RPS6KA2: variants seen among roughly 807,000 people sequenced by gnomAD.
The protein encoded by RPS6KA2 is ribosomal protein S6 kinase alpha-2.
A neutral mutation model predicts 91.8 loss-of-function variants in RPS6KA2; 42 were observed. The ratio of observed to expected loss-of-function variants is 0.46; its 90% CI spans 0.36 to 0.59. The LOEUF is 0.59. Ranked by LOEUF, RPS6KA2 falls within the 20% of genes least tolerant of loss-of-function variation. The probability of loss-of-function intolerance (pLI) is 0.00; values close to 1 mark genes in which losing one functional copy is unlikely to be tolerated. For missense variants in RPS6KA2, 798 were observed against 978.5 expected, an observed-to-expected ratio of 0.82 and a Z score of 2.46; for synonymous variants, 414 against 393.6, an observed-to-expected ratio of 1.05 and a Z score of -0.61.
chr6:166,660,397 C>CGT (rs1241926275), intron 2 of RPS6KA2, among the ~76,000 whole-genome samples: 9,603 of 107,898 alleles, frequency 0.089, 400 homozygotes, highest in Admixed American at 0.15. Context: ...GGCATGCGTG[C>CGT]GTGTGTGTGT....
rs996014533 is a variant in RPS6KA2, at chr6:166,437,356, T to C, written c.1333-4866A>G. ...TAATATTGTTTTATAATCTTTATTA[T>C]GCAACAAAACAGGGAGGCCTTCTCA... On this transcript the variant is annotated intron_variant, in intron 14 of 20. Coordinates refer to ENST00000265678, the MANE Select transcript of RPS6KA2 (RefSeq NM_021135.6). The surrounding 1 kb of genome is among the most constrained non-coding windows in gnomAD (Gnocchi z 4.3). Among the ~76,000 whole-genome samples, 1 of 152,222 alleles carries C rather than the reference T, an allele frequency of 6.6e-6. No individual in the cohort carries two copies.
chr6:166,532,394 A>G (rs1242913129), intron 2 of RPS6KA2, among the ~76,000 whole-genome samples: 6 of 152,324 alleles, frequency 3.9e-5, no homozygotes, highest in Non-Finnish European at 8.8e-5. Flanking sequence ...GGGCAGCCCA[A>G]CTGGAGGGAG....
intron 2 of RPS6KA2, among the ~76,000 whole-genome samples, chr6:166,646,013 C>T (rs757411499): frequency 2.0e-5 from 3 of 152,186 alleles, no homozygotes; most frequent in Non-Finnish European, 4.4e-5. Context: ...TAGGGCCAGT[C>T]CTCTGTGCAA....
At chr6:166,636,001 A>G (rs1787228552) in intron 2 of RPS6KA2, among the ~76,000 whole-genome samples, 1 of 152,236 alleles carries the variant, frequency 6.6e-6, no homozygotes, top group Admixed American at 6.5e-5. Context: ...TTCTCTGCTT[A>G]TAACTCTTCC....
chr6:166,455,078 G>T (rs957760642), intron 12 of RPS6KA2, among the ~76,000 whole-genome samples: 2 of 151,982 alleles, frequency 1.3e-5, no homozygotes, highest in African/African-American at 4.8e-5. Context: ...GTATATTCGA[G>T]AATTCTCTAC....
At chr6:166,619,220 C>T (rs1786536191) in intron 1 of RPS6KA2, among the ~76,000 whole-genome samples, 1 of 152,222 alleles carries the variant, frequency 6.6e-6, no homozygotes, top group African/African-American at 2.4e-5. Context: ...GACCCAACCT[C>T]ATGCTGTGTC....
chr6:166,755,251 G>C (rs962188953), intron 2 of RPS6KA2, among the ~76,000 whole-genome samples: 1 of 152,130 alleles, frequency 6.6e-6, no homozygotes, highest in African/African-American at 2.4e-5. Context: ...TGGATTCCCA[G>C]TAGGAGTGCT....
In RPS6KA2 at chr6:166,538,784, C is replaced by T; in HGVS notation, c.100G>A (p.Glu34Lys). 3 of 1,531,094 alleles carry T rather than the reference C, an allele frequency of 2.0e-6. No individual in the cohort carries two copies. The highest frequency in any genetic ancestry group is 2.3e-5 in the East Asian group (1 of 44,308). The allele number at this position is 1,531,094 out of a possible 1,614,324, so 94.8% of individuals were successfully genotyped here. The change falls in exon 2 of 21, where the codon GAA becomes AAA. Residue 34 changes from glutamate to lysine, a missense_variant and splice_region_variant. Physicochemically the swap from Glu to Lys is moderately conservative, Grantham distance 56. Transcript: ENST00000265678. ...TCTATCTCCTTCACGACGCCTTCTT[C>T]CTGCAAGAGAGCGGCACGGGTGAGA... Reference protein sequence around the residue: ...SKSSSLSRLEEEGVVKEIDIS... With the variant: ...SKSSSLSRLEKEGVVKEIDIS...
chr6:166,803,864 GATAA>G (rs929082115), intron 2 of RPS6KA2, among the ~76,000 whole-genome samples: 1 of 152,206 alleles, frequency 6.6e-6, no homozygotes, highest in Non-Finnish European at 1.5e-5. Flanking sequence ...TCCCCTTGGG[GATAA>G]GCAAAACTGG....
chr6:166,524,093 C>G (rs1205216173), intron 3 of RPS6KA2, among the ~76,000 whole-genome samples: 1 of 152,182 alleles, frequency 6.6e-6, no homozygotes, highest in Non-Finnish European at 1.5e-5. Flanking sequence ...AGTGACCCAC[C>G]ACACAGCTGC....
chr6:166,548,640 A>G (rs533449558), intron 1 of RPS6KA2, among the ~76,000 whole-genome samples: 1 of 152,356 alleles, frequency 6.6e-6, no homozygotes, highest in South Asian at 2.1e-4. Flanking sequence ...AGGCAAAGAA[A>G]AAAAGACATT....
chr6:166,664,598 A>C lies in RPS6KA2; in HGVS notation c.124-125814T>G, dbSNP rs575770931. 9.5e-4 allele frequency among the ~76,000 whole-genome samples: 145 copies of C among 152,374 alleles called. 1 individual carries two copies. The highest frequency in any genetic ancestry group is 3.3e-3 in the African/African-American group (136 of 41,592). Reference sequence around the variant, plus strand: ...TGTTTACATGTTGTTTCTTGTAAGAATAGAGATTGCAAAGCTCAACTTAAA... The same window carrying C: ...TGTTTACATGTTGTTTCTTGTAAGACTAGAGATTGCAAAGCTCAACTTAAA... On this transcript the variant is annotated intron_variant, in intron 2 of 21. Transcript: ENST00000503859.
intron 2 of RPS6KA2, among the ~76,000 whole-genome samples, chr6:166,698,090 G>A (rs1042896634): frequency 3.9e-5 from 6 of 152,304 alleles, no homozygotes; most frequent in South Asian, 4.1e-4. Flanking sequence ...TGTCTGTGCC[G>A]TGCAATGGGC....
At chr6:166,537,770 G>T (rs888274503) in intron 2 of RPS6KA2, among the ~76,000 whole-genome samples, 2 of 152,216 alleles carry the variant, frequency 1.3e-5, no homozygotes, top group African/African-American at 4.8e-5. Flanking sequence ...TAAAGAGCCA[G>T]GCTGTTCTGC....
chr6:166,861,695 T>C (rs1042757758), intron 1 of RPS6KA2, among the ~76,000 whole-genome samples: 1 of 152,256 alleles, frequency 6.6e-6, no homozygotes, highest in Non-Finnish European at 1.5e-5. Flanking sequence ...CATTGATTTT[T>C]GCCTTCTGGT....
intron 1 of RPS6KA2, among the ~76,000 whole-genome samples, chr6:166,560,337 T>G (rs527805935): frequency 6.6e-6 from 1 of 152,366 alleles, no homozygotes; most frequent in African/African-American, 2.4e-5. Context: ...ATATTTCTTT[T>G]AAGGTCTTAA....
At chr6:166,799,637 G>A (rs553775881) in intron 2 of RPS6KA2, among the ~76,000 whole-genome samples, 6 of 151,762 alleles carry the variant, frequency 4.0e-5, no homozygotes, top group African/African-American at 1.5e-4. Context: ...AAATCACTAC[G>A]GTAATTGGAT....
intron 2 of RPS6KA2, among the ~76,000 whole-genome samples, chr6:166,644,021 C>T (rs551055321): frequency 6.6e-6 from 1 of 152,350 alleles, no homozygotes; most frequent in Non-Finnish European, 1.5e-5. Flanking sequence ...AGTCACTGAA[C>T]TGGCAGCCAG....
intron 12 of RPS6KA2, among the ~76,000 whole-genome samples, chr6:166,457,266 C>A (rs189978232): frequency 1.1e-4 from 17 of 152,318 alleles, no homozygotes; most frequent in Admixed American, 9.8e-4. Flanking sequence ...GGAGAAATAT[C>A]ATGACTTGCT....
Sources: gnomAD v4.1 joint callset for allele counts (sites outside exome capture counted in the v4.1 genomes callset) on GRCh38, gnomAD v4.1.1 for gene constraint, Gnocchi (gnomAD v3.1) non-coding constraint, MANE v1.5 for transcripts, NCBI Gene and HGNC (gene_info 2026-07-23, HGNC 2026-07-21) for gene names.